Variants in PLA2G4E observed in about 807,000 individuals in gnomAD.
PLA2G4E encodes the protein phospholipase A2 group IVE, also known as cytosolic phospholipase A2 epsilon.
A neutral mutation model predicts 109.1 loss-of-function variants in PLA2G4E; 84 were observed. That is an observed-to-expected ratio of 0.77 (90% CI 0.65 to 0.92). The LOEUF (loss-of-function observed/expected upper bound fraction) is 0.92. Ranked by LOEUF, PLA2G4E falls within the 40% of genes least tolerant of loss-of-function variation. The pLI, the probability that PLA2G4E is intolerant of heterozygous loss-of-function variation, is 0.00. For missense variants in PLA2G4E, 1,057 were observed against 1,076.6 expected, an observed-to-expected ratio of 0.98 and a Z score of 0.25; for synonymous variants, 469 against 436.1, an observed-to-expected ratio of 1.08 and a Z score of -0.94.
At chr15:42,005,959 C>T (rs745589085) in intron 4 of PLA2G4E, 31 bp downstream of exon 4, 49 of 1,609,390 alleles carry the variant, frequency 3.0e-5, no homozygotes, top group African/African-American at 5.3e-5. Context: ...ATCATGAAGC[C>T]GGAGTCTGAG....
chr15:41,990,263 A>C, intron 13 of PLA2G4E, 28 bp from the exon 14 acceptor site: 11 of 1,600,738 alleles, frequency 6.9e-6, no homozygotes, highest in Non-Finnish European at 8.5e-6. Flanking sequence ...GGTTAAAGAG[A>C]AGCAGCAGCC....
At chr15:42,036,615 C>G (rs1408124380) in intron 1 of PLA2G4E, among the ~76,000 whole-genome samples, 1 of 152,116 alleles carries the variant, frequency 6.6e-6, no homozygotes, top group Non-Finnish European at 1.5e-5. Flanking sequence ...GCCTGCCATC[C>G]ACACCACCCT....
intron 19 of PLA2G4E, among the ~76,000 whole-genome samples, chr15:41,984,182 C>G (rs929226756): frequency 6.6e-6 from 1 of 152,124 alleles, no homozygotes; most frequent in African/African-American, 2.4e-5. Context: ...GGAGGATTGC[C>G]CTAGCACCAA....
intron 13 of PLA2G4E, among the ~76,000 whole-genome samples, chr15:41,990,511 G>T (rs2068226248): frequency 6.6e-6 from 1 of 152,058 alleles, no homozygotes; most frequent in Non-Finnish European, 1.5e-5. Flanking sequence ...TGGTCTTAGG[G>T]GTCAGCAGAT....
In PLA2G4E at chr15:42,007,621, A is replaced by C. The variant is rs1023442859; in HGVS notation, c.393+108T>G. ...GGTTTGTAGGACAAGAAGTAGGCAGAAAGGAAAACAAAGAGGCATAAGAAC... is the reference window on the plus strand; with the variant it reads ...GGTTTGTAGGACAAGAAGTAGGCAGCAAGGAAAACAAAGAGGCATAAGAAC... On this transcript the variant is annotated intron_variant, in intron 3 of 19. Coordinates refer to ENST00000399518, the Ensembl canonical transcript of PLA2G4E. 3 of 1,359,268 alleles carry C rather than the reference A, an allele frequency of 2.2e-6. No homozygotes were observed. In the African/African-American group the frequency reaches 4.4e-5, roughly 20 times the overall value. The allele number at this position is 1,359,268 out of a possible 1,614,324, so 84.2% of individuals were successfully genotyped here. A position where few individuals can be genotyped will look rare whatever the true frequency, so the allele number is the denominator to read the frequency against.
exon 6 of PLA2G4E, chr15:42,002,680 T>C (rs775514832): frequency 6.3e-7 from 1 of 1,583,746 alleles, no homozygotes; most frequent in South Asian, 1.2e-5. Flanking sequence ...GTGACGAGGG[T>C]CTCAGGTGGA....
At chr15:42,013,738 T>C in exon 2 of PLA2G4E, 1 of 1,550,504 alleles carries the variant, frequency 6.4e-7, no homozygotes, top group Non-Finnish European at 8.7e-7. Context: ...TGTCAACAGG[T>C]GGCATGGAGA....
chr15:42,013,571 G>A (rs75965569), intron 2 of PLA2G4E, 114 bp downstream of exon 2: 636,788 of 954,382 alleles, frequency 0.67, 216,912 homozygotes, highest in East Asian at 0.93. Flanking sequence ...CCATGCACGT[G>A]CACACGTGCG....
chr15:41,983,863 A>C (rs2068097417), exon 20 of PLA2G4E: 4 of 1,613,212 alleles, frequency 2.5e-6, no homozygotes, highest in Non-Finnish European at 3.4e-6. Context: ...GAGTTTCACC[A>C]GCTTGTCAAA....
chr15:41,996,242 G>C (rs2068336496), intron 11 of PLA2G4E, among the ~76,000 whole-genome samples: 1 of 151,444 alleles, frequency 6.6e-6, no homozygotes, highest in South Asian at 2.1e-4. Context: ...CAGCTACTTG[G>C]GAGGCTGAAG....
At chr15:42,016,170 G>A (rs1246008476) in intron 1 of PLA2G4E, among the ~76,000 whole-genome samples, 1 of 151,190 alleles carries the variant, frequency 6.6e-6, no homozygotes, top group African/African-American at 2.4e-5. Flanking sequence ...ATTGGGGGCA[G>A]GAGAAACAAG....
intron 18 of PLA2G4E, among the ~76,000 whole-genome samples, 175 bp downstream of exon 18, chr15:41,985,664 G>A (rs780356108): frequency 7.2e-5 from 11 of 152,256 alleles, no homozygotes; most frequent in Non-Finnish European, 1.2e-4. Context: ...CTGGCTGCCC[G>A]TGAGTTCTGG....
chr15:42,022,635 A>G (rs2068658761), intron 1 of PLA2G4E, among the ~76,000 whole-genome samples: 1 of 152,072 alleles, frequency 6.6e-6, no homozygotes, highest in Admixed American at 6.6e-5. Context: ...TTGTGCTCCT[A>G]TGAGAATCTA....
chr15:42,025,500 C>T (rs898916388), intron 1 of PLA2G4E, among the ~76,000 whole-genome samples: 6 of 152,220 alleles, frequency 3.9e-5, no homozygotes, highest in East Asian at 3.9e-4. Context: ...CCCCACCCCC[C>T]ACTGGAGTCT....
chr15:42,008,249 G>A (rs2068497233), intron 2 of PLA2G4E, among the ~76,000 whole-genome samples: 1 of 152,240 alleles, frequency 6.6e-6, no homozygotes, highest in Admixed American at 6.5e-5. Flanking sequence ...TAGCCCAGGG[G>A]ACCAGGAAAA....
chr15:42,007,277 A>C (rs545360574), intron 3 of PLA2G4E, among the ~76,000 whole-genome samples: 1 of 152,336 alleles, frequency 6.6e-6, no homozygotes, highest in South Asian at 2.1e-4. Flanking sequence ...AATCCCATGG[A>C]ACAACTCAAC....
At chr15:42,003,174 T>C (rs1384081954) in intron 5 of PLA2G4E, among the ~76,000 whole-genome samples, 1 of 152,250 alleles carries the variant, frequency 6.6e-6, no homozygotes, top group Non-Finnish European at 1.5e-5. Context: ...GTTGAGAACA[T>C]AAGCCTCCAA....
intron 8 of PLA2G4E, 24 bp downstream of exon 8, chr15:42,000,079 TC>T (rs1322474217): frequency 2.6e-6 from 4 of 1,552,032 alleles, no homozygotes; most frequent in Non-Finnish European, 2.6e-6. Flanking sequence ...CCCCCACACC[TC>T]CCCCAGTGTC....
exon 13 of PLA2G4E, chr15:41,992,914 G>A (rs1371378313): frequency 6.2e-7 from 1 of 1,613,804 alleles, no homozygotes; most frequent in Admixed American, 1.7e-5. Flanking sequence ...CAGGCTCCAA[G>A]TTTTTGGAGG....
Sources: allele counts gnomAD v4.1 joint callset (sites outside exome capture counted in the v4.1 genomes callset), GRCh38; gene constraint gnomAD v4.1.1; transcripts MANE v1.5; gene names NCBI Gene and HGNC (gene_info 2026-07-23, HGNC 2026-07-21).